NBEA: variants seen among roughly 807,000 people sequenced by gnomAD.
The protein encoded by NBEA is neurobeachin.
NBEA carries 44 observed loss-of-function variants against 343.4 expected under a neutral mutation model. The observed-to-expected ratio is 0.13, with a 90% CI of 0.10 to 0.16. The LOEUF (loss-of-function observed/expected upper bound fraction) is 0.16, where lower values mean the gene tolerates loss of function less well. Among genes scored for constraint, NBEA ranks in the 10% least tolerant of loss-of-function variants. The probability of loss-of-function intolerance (pLI) is 1.00; values close to 1 mark genes in which losing one functional copy is unlikely to be tolerated. For synonymous variants in NBEA, 1,175 were observed against 1,238.7 expected (o/e 0.95, Z 1.08); for missense variants, 2,555 against 3,631.3 (o/e 0.70, Z 7.62).
At chr13:35,651,681 A>G in intron 52 of NBEA, 124 bp from the exon 53 acceptor site, 2 of 685,826 alleles carry the variant, frequency 2.9e-6, no homozygotes, top group Non-Finnish European at 5.3e-6. Flanking sequence ...GTATCAGAAC[A>G]ATTTATCAAA....
intron 17 of NBEA, among the ~76,000 whole-genome samples, chr13:35,136,199 C>T (rs1435736073): frequency 6.6e-6 from 1 of 152,110 alleles, no homozygotes; most frequent in Non-Finnish European, 1.5e-5. Flanking sequence ...CGTAAGTATC[C>T]TTCCCTCATT....
intron 40 of NBEA, among the ~76,000 whole-genome samples, chr13:35,460,284 G>A (rs1029639426): frequency 5.9e-5 from 9 of 152,142 alleles, no homozygotes; most frequent in Non-Finnish European, 2.9e-5. Context: ...GCTATTTGAT[G>A]TTCAAAAAGC....
chr13:35,080,162 G>C (rs1266506954), intron 10 of NBEA, among the ~76,000 whole-genome samples: 1 of 152,084 alleles, frequency 6.6e-6, no homozygotes, highest in Non-Finnish European at 1.5e-5. Flanking sequence ...TAGGGGTCAT[G>C]TACCATATAA....
intron 41 of NBEA, among the ~76,000 whole-genome samples, chr13:35,542,161 C>G (rs916106785): frequency 6.6e-6 from 1 of 151,768 alleles, no homozygotes; most frequent in African/African-American, 2.4e-5. Flanking sequence ...CACCCCCCCC[C>G]CACCGCATAC....
At chr13:35,133,129 T>C (rs1246303275) in intron 17 of NBEA, among the ~76,000 whole-genome samples, 1 of 152,114 alleles carries the variant, frequency 6.6e-6, no homozygotes, top group African/African-American at 2.4e-5. Flanking sequence ...AGTGGATTTG[T>C]ATCCTAAACA....
chr13:35,364,513 A>G (rs1397393881), intron 38 of NBEA, among the ~76,000 whole-genome samples: 1 of 151,854 alleles, frequency 6.6e-6, no homozygotes, highest in African/African-American at 2.4e-5. Flanking sequence ...AGTTAAGGAA[A>G]CAAGCATCAG....
chr13:34,980,440 CATTTTTATTACATTT>C (rs1217630617), intron 1 of NBEA, among the ~76,000 whole-genome samples: 6 of 127,836 alleles, frequency 4.7e-5, no homozygotes, highest in Non-Finnish European at 6.4e-5. Flanking sequence ...CATTTTATTA[CATTTTTATTACATTT>C]ATTTATTTAT....
rs571175192 is a variant in NBEA, at chr13:35,566,861, G to A, written c.6923-44G>A. 24 of 1,040,344 alleles carry A rather than the reference G, an allele frequency of 2.3e-5. No homozygotes were observed. The South Asian group carries it at 3.2e-4, about 14-fold the overall frequency. 64.4% of individuals were successfully genotyped at this position (1,040,344 alleles called of 1,614,324 possible). ...TGTAAAAACAGAAACTATTTCATAAGCATTTTGTGTGTACAAATTTTTATT... is the reference window on the plus strand; with the variant it reads ...TGTAAAAACAGAAACTATTTCATAAACATTTTGTGTGTACAAATTTTTATT... On this transcript the variant is annotated intron_variant, in intron 44 of 58. Transcript: ENST00000379939.
intron 18 of NBEA, among the ~76,000 whole-genome samples, chr13:35,153,557 C>T (rs2068940551): frequency 6.6e-6 from 1 of 152,120 alleles, no homozygotes; most frequent in Non-Finnish European, 1.5e-5. Context: ...ATTTTAAAAA[C>T]CTTTATATTT....
intron 1 of NBEA, among the ~76,000 whole-genome samples, chr13:34,966,118 G>T (rs545226827): frequency 6.6e-6 from 1 of 152,146 alleles, no homozygotes; most frequent in African/African-American, 2.4e-5. Context: ...ATAGGCATTT[G>T]TATTCCCATT....
chr13:35,625,703 A>G (rs2083200096), intron 48 of NBEA, among the ~76,000 whole-genome samples: 2 of 152,102 alleles, frequency 1.3e-5, no homozygotes, highest in Non-Finnish European at 2.9e-5. Flanking sequence ...TGGGTAAGGG[A>G]TATGAACAGG....
rs371309167 is a variant in NBEA at position 35,555,107 on chromosome 13, G to C, written c.6922+5G>C. The C allele has an allele frequency of 7.5e-6, 11 of 1,465,114 alleles. No homozygotes were observed. The highest frequency in any genetic ancestry group is 1.0e-5 in the Non-Finnish European group (11 of 1,049,774). The allele number at this position is 1,465,114 out of a possible 1,614,324, so 90.8% of individuals were successfully genotyped here. On this transcript the variant is annotated splice_donor_5th_base_variant and intron_variant, in intron 44 of 58. Coordinates refer to ENST00000379939, the MANE Select transcript of NBEA (RefSeq NM_001385012.1). ...TGTTCCTTAATACTATTGCAGGTAA[G>C]ATGTCTCATTCTTTAATCTAATAAT...
intron 33 of NBEA, among the ~76,000 whole-genome samples, chr13:35,231,758 T>C (rs1401234774): frequency 6.6e-6 from 1 of 152,100 alleles, no homozygotes; most frequent in African/African-American, 2.4e-5. Context: ...TAGTATATGA[T>C]AGAGCCAGGA....
intron 46 of NBEA, among the ~76,000 whole-genome samples, chr13:35,587,731 T>C (rs939407915): frequency 6.6e-6 from 1 of 152,194 alleles, no homozygotes; most frequent in Non-Finnish European, 1.5e-5. Context: ...ACCTCATCTA[T>C]CCCTAATCAG....
intron 38 of NBEA, among the ~76,000 whole-genome samples, chr13:35,377,880 C>T (rs1209970516): frequency 3.9e-5 from 6 of 152,190 alleles, no homozygotes; most frequent in Non-Finnish European, 5.9e-5. Context: ...CATAAGCTTA[C>T]TCCCTGCCTG....
At chr13:35,566,407 A>G (rs1445542568) in intron 44 of NBEA, among the ~76,000 whole-genome samples, 1 of 152,140 alleles carries the variant, frequency 6.6e-6, no homozygotes, top group Non-Finnish European at 1.5e-5. Context: ...ATACCACCAC[A>G]TAAGCTGCAG....
At chr13:35,044,603 GGTGTGTGTGTGTGTGT>G (rs3045194) in intron 2 of NBEA, among the ~76,000 whole-genome samples, 11 of 142,512 alleles carry the variant, frequency 7.7e-5, no homozygotes, top group South Asian at 2.3e-4. Flanking sequence ...GCTGTGTTGT[GGTGTGTGTGTGTGTGT>G]GTGTGTGTGT....
chr13:35,474,963 G>T, intron 41 of NBEA: 1 of 1,280,132 alleles, frequency 7.8e-7, no homozygotes, highest in Non-Finnish European at 1.1e-6. Context: ...GAGATTGTTT[G>T]CACTGCGGAG....
intron 49 of NBEA, among the ~76,000 whole-genome samples, chr13:35,640,978 A>G (rs536022517): frequency 1.3e-5 from 2 of 152,058 alleles, no homozygotes; most frequent in Admixed American, 6.6e-5. Context: ...AGTTCAATAA[A>G]TATTCAGCAA....
Sources: allele counts gnomAD v4.1 joint callset (sites outside exome capture counted in the v4.1 genomes callset), GRCh38; gene constraint gnomAD v4.1.1; transcripts MANE v1.5; gene names NCBI Gene and HGNC (gene_info 2026-07-23, HGNC 2026-07-21).